WWC2: variants seen among roughly 807,000 people sequenced by gnomAD.
The protein encoded by WWC2 is WW and C2 domain containing 2.
A neutral mutation model predicts 138.5 loss-of-function variants in WWC2; 101 were observed. The observed-to-expected ratio is 0.73, with a 90% CI of 0.62 to 0.86. The LOEUF (loss-of-function observed/expected upper bound fraction) is 0.86. Among genes scored for constraint, WWC2 ranks in the 40% least tolerant of loss-of-function variants. The pLI, the probability that WWC2 is intolerant of heterozygous loss-of-function variation, is 0.00. For missense variants in WWC2, 1,420 were observed against 1,419.4 expected (o/e 1.00, Z -0.01); for synonymous variants, 558 against 538.4 (o/e 1.04, Z -0.50).
chr4:183,114,833 T>G (rs1415708061), intron 1 of WWC2, among the ~76,000 whole-genome samples: 1 of 151,926 alleles, frequency 6.6e-6, no homozygotes, highest in African/African-American at 2.4e-5. Flanking sequence ...TTTTTGTTTA[T>G]TTATTTTTGA....
intron 21 of WWC2, among the ~76,000 whole-genome samples, chr4:183,310,493 C>G (rs1739174225): frequency 6.6e-6 from 1 of 152,006 alleles, no homozygotes; most frequent in Admixed American, 6.6e-5. Flanking sequence ...TGCCACTGGT[C>G]TTCACCTGTT....
chr4:183,262,440 T>G (rs1737357634), intron 11 of WWC2, among the ~76,000 whole-genome samples: 1 of 152,250 alleles, frequency 6.6e-6, no homozygotes, highest in Admixed American at 6.5e-5. Flanking sequence ...CAGAAGCATT[T>G]TTATTTGTAT....
intron 1 of WWC2, among the ~76,000 whole-genome samples, chr4:183,119,860 T>G (rs968798129): frequency 1.3e-5 from 2 of 152,216 alleles, no homozygotes; most frequent in African/African-American, 4.8e-5. Flanking sequence ...CTTTCCACGA[T>G]TTTCATTTCT....
intron 11 of WWC2, 106 bp from the exon 12 acceptor site, chr4:183,264,872 A>C: frequency 8.3e-7 from 1 of 1,200,500 alleles, no homozygotes. Context: ...GACTCCCAGA[A>C]GGAAATCTTA....
chr4:183,319,599 T>C lies in WWC2; in HGVS notation c.*3870T>C. ...GTTTCTCGTCTCCAGTTCTTGATGA[T>C]GATCTTGTGTTTGTGCCACTGCGTA... On this transcript the variant is annotated 3_prime_UTR_variant, in exon 23 of 23. Coordinates refer to ENST00000403733, the MANE Select transcript of WWC2 (RefSeq NM_024949.6). The C allele has an allele frequency of 2.5e-6, 4 of 1,613,660 alleles. No homozygotes were observed.
intron 20 of WWC2, among the ~76,000 whole-genome samples, chr4:183,287,240 A>G (rs1477418717): frequency 2.0e-5 from 3 of 152,210 alleles, no homozygotes; most frequent in Non-Finnish European, 4.4e-5. Context: ...TGTTTTTCTA[A>G]AGGCAGATGA....
intron 2 of WWC2, among the ~76,000 whole-genome samples, chr4:183,198,203 A>G (rs1253845303): frequency 1.3e-5 from 2 of 152,180 alleles, no homozygotes; most frequent in African/African-American, 4.8e-5. Flanking sequence ...ACCCTGTCTC[A>G]AGAACAAACA....
intron 21 of WWC2, among the ~76,000 whole-genome samples, chr4:183,309,685 G>A (rs73872357): frequency 0.02 from 3,013 of 152,314 alleles, 90 homozygotes; most frequent in African/African-American, 0.069. Context: ...ATAAAATTAA[G>A]CAGATTCTTA....
At chr4:183,234,516 T>C (rs1736353755) in intron 4 of WWC2, among the ~76,000 whole-genome samples, 1 of 152,232 alleles carries the variant, frequency 6.6e-6, no homozygotes, top group Non-Finnish European at 1.5e-5. Context: ...GTCATTTTGC[T>C]ACAATTCTAA....
At chr4:183,204,068 G>A (rs914340493) in intron 2 of WWC2, among the ~76,000 whole-genome samples, 3 of 152,098 alleles carry the variant, frequency 2.0e-5, no homozygotes, top group South Asian at 2.1e-4. Flanking sequence ...AAGGAAATGA[G>A]GAAAGAAAGA....
At position 183,259,704 on chromosome 4, in the gene WWC2, C is replaced by T; in HGVS notation, c.1262C>T (p.Thr421Ile). ...QKLEETTKLT[T>I]YLHSQLKSLS... ...CTTGAAGAAACTACTAAATTAACTA[C>T]TTATTTGCATTCACAACTTAAAAGG... Residue 421 changes from threonine to isoleucine, a missense_variant, in exon 10 of 23, where the codon ACT becomes ATT. Coordinates refer to ENST00000403733, the MANE Select transcript of WWC2 (RefSeq NM_024949.6). 1 of 1,547,394 alleles carries T rather than the reference C, an allele frequency of 6.5e-7. No homozygotes were observed. Among genetic ancestry groups the T allele is most frequent in the Non-Finnish European group, 8.7e-7 (1 of 1,145,702 alleles).
At position 183,319,734 on chromosome 4, in the gene WWC2, A is replaced by G. The variant is rs748477168; in HGVS notation, c.*4005A>G. 17 of 1,613,856 alleles carry G rather than the reference A, an allele frequency of 1.1e-5. No individual in the cohort carries two copies. The highest frequency in any genetic ancestry group is 1.7e-5 in the Admixed American group (1 of 59,978). ...CCAGCCCAGAAACAGGGCCTCCCCA[A>G]ACTCCCACCTGGGGACAAAGTCTGG... On this transcript the variant is annotated 3_prime_UTR_variant, in exon 23 of 23. Coordinates refer to ENST00000403733, the MANE Select transcript of WWC2 (RefSeq NM_024949.6).
intron 4 of WWC2, among the ~76,000 whole-genome samples, chr4:183,217,723 G>A (rs989860292): frequency 1.3e-5 from 2 of 151,938 alleles, no homozygotes; most frequent in African/African-American, 2.4e-5. Context: ...AGAAACTACC[G>A]AAAATGAATT....
intron 1 of WWC2, among the ~76,000 whole-genome samples, chr4:183,174,384 A>G (rs776427373): frequency 2.0e-5 from 3 of 152,096 alleles, no homozygotes; most frequent in Non-Finnish European, 4.4e-5. Context: ...TGCAGTATGA[A>G]TGGATCTGCT....
chr4:183,301,442 A>G (rs1738837081), intron 21 of WWC2, among the ~76,000 whole-genome samples: 1 of 151,052 alleles, frequency 6.6e-6, no homozygotes, highest in Non-Finnish European at 1.5e-5. Flanking sequence ...GGGAGAGGAA[A>G]TAGGGGGCAG....
chr4:183,213,097 C>T (rs1044149998), intron 4 of WWC2, among the ~76,000 whole-genome samples: 9 of 152,208 alleles, frequency 5.9e-5, no homozygotes, highest in African/African-American at 2.2e-4. Flanking sequence ...CTTCCTGGCA[C>T]TGTGAATGCC....
At chr4:183,218,936 A>G (rs138493486) in intron 4 of WWC2, among the ~76,000 whole-genome samples, 100 of 152,356 alleles carry the variant, frequency 6.6e-4, no homozygotes, top group African/African-American at 2.0e-3. Context: ...TTACATACCT[A>G]CAACCTATGT....
Position 183,315,716 on chromosome 4 carries a change from CTGA to C in WWC2, c.3572_3574del (p.Asp1191del), listed in dbSNP as rs751535836. ...AAGATAAGCATCCCATCCCTGCCAGCTGATGATGTGTGATTACATGACTTAAGA... is the reference window on the plus strand; with the variant it reads ...AAGATAAGCATCCCATCCCTGCCAGCTGATGTGTGATTACATGACTTAAGA... On this transcript the variant is annotated inframe_deletion, in exon 23 of 23. Coordinates refer to ENST00000403733, the MANE Select transcript of WWC2 (RefSeq NM_024949.6). 8.7e-6 allele frequency: 14 copies of C among 1,612,738 alleles called. No homozygotes were observed. Among genetic ancestry groups the C allele is most frequent in the Non-Finnish European group, 9.3e-6 (11 of 1,178,976 alleles).
chr4:183,118,386 G>A (rs943586481), intron 1 of WWC2, among the ~76,000 whole-genome samples: 2 of 152,096 alleles, frequency 1.3e-5, no homozygotes, highest in Non-Finnish European at 2.9e-5. Flanking sequence ...CCCTGTTACA[G>A]GTTGCTGCAC....
Sources: gnomAD v4.1 joint callset for allele counts (sites outside exome capture counted in the v4.1 genomes callset) on GRCh38, gnomAD v4.1.1 for gene constraint, MANE v1.5 for transcripts, NCBI Gene and HGNC (gene_info 2026-07-23, HGNC 2026-07-21) for gene names.